The following ARID1B variants were observed in gnomAD, a reference collection of about 807,000 sequenced individuals.
ARID1B encodes AT-rich interaction domain 1B, also known as AT-rich interactive domain-containing protein 1B.
Under a neutral mutation model 212.3 loss-of-function variants are expected in ARID1B, and 30 were observed. That is an observed-to-expected ratio of 0.14 (90% CI 0.11 to 0.19). ARID1B has a LOEUF of 0.19. Ranked by LOEUF, ARID1B falls within the 10% of genes least tolerant of loss-of-function variation. The pLI, the probability that ARID1B is intolerant of heterozygous loss-of-function variation, is 1.00. For synonymous variants in ARID1B, 1,402 were observed against 1,301.7 expected (o/e 1.08, Z -1.66); for missense variants, 2,891 against 3,204.0 (o/e 0.90, Z 2.36).
At chr6:156,961,178 TC>T (rs1449419671) in intron 4 of ARID1B, among the ~76,000 whole-genome samples, 2 of 152,070 alleles carry the variant, frequency 1.3e-5, no homozygotes, top group Non-Finnish European at 2.9e-5. Context: ...CCCTAAACAC[TC>T]CCAGGTGCGT....
At chr6:157,074,868 G>C (rs1196605950) in intron 4 of ARID1B, among the ~76,000 whole-genome samples, 2 of 151,990 alleles carry the variant, frequency 1.3e-5, no homozygotes, top group Non-Finnish European at 2.9e-5. Flanking sequence ...CGTGGTGTAA[G>C]AATGGCTCTT....
At chr6:156,843,238 ATCT>A (rs1437132366) in intron 2 of ARID1B, among the ~76,000 whole-genome samples, 1 of 152,168 alleles carries the variant, frequency 6.6e-6, no homozygotes, top group Non-Finnish European at 1.5e-5. Flanking sequence ...TTTTCTGGTA[ATCT>A]TCTGTTTATG....
intron 3 of ARID1B, among the ~76,000 whole-genome samples, chr6:156,926,317 G>A (rs1038889403): frequency 2.0e-5 from 3 of 152,244 alleles, no homozygotes. Context: ...TTTTGTTTAG[G>A]ATAGCTAAGC....
chr6:156,857,212 T>C (rs1245523313), intron 2 of ARID1B, among the ~76,000 whole-genome samples: 1 of 152,192 alleles, frequency 6.6e-6, no homozygotes, highest in East Asian at 1.9e-4. Flanking sequence ...TAAGTGACAT[T>C]CCTAAAGTTA....
intron 2 of ARID1B, among the ~76,000 whole-genome samples, chr6:156,877,272 A>G (rs932781728): frequency 1.3e-5 from 2 of 152,046 alleles, no homozygotes; most frequent in Non-Finnish European, 2.9e-5. Flanking sequence ...ACCCTTCTGG[A>G]CTCCTGTCTT....
chr6:157,136,407 C>T (rs745981356), intron 7 of ARID1B, among the ~76,000 whole-genome samples: 1 of 152,134 alleles, frequency 6.6e-6, no homozygotes, highest in Non-Finnish European at 1.5e-5. Flanking sequence ...AACTGACTTA[C>T]GAGGGGCCTC....
chr6:157,160,668 A>C (rs867021371), intron 8 of ARID1B, among the ~76,000 whole-genome samples: 1 of 152,180 alleles, frequency 6.6e-6, no homozygotes, highest in African/African-American at 2.4e-5. Flanking sequence ...TGTTTCTCTT[A>C]GGATAAAGAC....
chr6:156,948,789 G>A (rs1470454796), intron 4 of ARID1B, among the ~76,000 whole-genome samples: 2 of 152,184 alleles, frequency 1.3e-5, no homozygotes, highest in Non-Finnish European at 2.9e-5. Context: ...TCAGGAATAA[G>A]AAAAGAAATC....
At chr6:156,894,128 T>C (rs1238176983) in intron 2 of ARID1B, among the ~76,000 whole-genome samples, 1 of 152,014 alleles carries the variant, frequency 6.6e-6, no homozygotes, top group African/African-American at 2.4e-5. Context: ...CACCACAACA[T>C]GGATGAACCT....
chr6:156,935,846 T>C, intron 4 of ARID1B: 1 of 378,278 alleles, frequency 2.6e-6, no homozygotes, highest in East Asian at 5.2e-5. Context: ...CAGGTGGTTA[T>C]TGCTGTTGTA....
At chr6:156,856,779 A>G (rs1784981490) in intron 2 of ARID1B, among the ~76,000 whole-genome samples, 1 of 52,574 alleles carries the variant, frequency 1.9e-5, no homozygotes, top group African/African-American at 8.2e-5. Context: ...TAAGCCTAGT[A>G]AATCTCAATG....
At chr6:156,995,351 A>G (rs1254559337) in intron 4 of ARID1B, among the ~76,000 whole-genome samples, 1 of 152,244 alleles carries the variant, frequency 6.6e-6, no homozygotes, top group Admixed American at 6.5e-5. Context: ...TTATTTTTAC[A>G]AAGGACCTGT....
chr6:157,067,675 C>T (rs757398642), intron 4 of ARID1B, among the ~76,000 whole-genome samples: 4 of 152,170 alleles, frequency 2.6e-5, no homozygotes, highest in Non-Finnish European at 5.9e-5. Context: ...TTGCATTTTT[C>T]CGCATGTGTG....
intron 13 of ARID1B, among the ~76,000 whole-genome samples, chr6:157,188,788 A>G (rs1486953289): frequency 1.3e-5 from 2 of 152,226 alleles, no homozygotes; most frequent in African/African-American, 2.4e-5. Flanking sequence ...ACCAGTATCT[A>G]TTGATGATCT....
intron 4 of ARID1B, among the ~76,000 whole-genome samples, chr6:156,987,159 CAGAGAGAGAGAGAGAGAGAGAGAG>C (rs56189333): frequency 7.1e-6 from 1 of 141,502 alleles, no homozygotes; most frequent in African/African-American, 2.7e-5. Context: ...GCCTCGGTGA[CAGAGAGAGAGAGAGAGAGAGAGAG>C]AGAGAGAGAG....
At chr6:157,019,247 CA>C (rs1319315843) in intron 4 of ARID1B, among the ~76,000 whole-genome samples, 1 of 152,150 alleles carries the variant, frequency 6.6e-6, no homozygotes, top group Non-Finnish European at 1.5e-5. Flanking sequence ...ACCAGTTTCA[CA>C]GTATTCTAGG....
intron 1 of ARID1B, among the ~76,000 whole-genome samples, chr6:156,800,215 T>G (rs1368941467): frequency 6.6e-6 from 1 of 152,232 alleles, no homozygotes; most frequent in African/African-American, 2.4e-5. Context: ...CATAAAACCT[T>G]TTCAGCATTA....
In ARID1B at chr6:156,882,512, G is replaced by A. The variant is rs527380752; in HGVS notation, c.1987-18864G>A. Among the ~76,000 whole-genome samples the A allele has an allele frequency of 3.9e-5, 6 of 152,284 alleles. No individual in the cohort carries two copies. The South Asian group carries it at 1.2e-3, about 32-fold the overall frequency. ...ATAGAGGTGTTTGAAATCCATTTGG[G>A]AAAACAAAGCGTAGCTACAGATACC... is the stretch of plus-strand genomic sequence containing the variant. On this transcript the variant is annotated intron_variant, in intron 2 of 19. Transcript: ENST00000636930.
intron 4 of ARID1B, among the ~76,000 whole-genome samples, chr6:157,032,526 G>A (rs984371300): frequency 6.6e-6 from 1 of 152,082 alleles, no homozygotes; most frequent in Non-Finnish European, 1.5e-5. Context: ...TTTTCTGGGC[G>A]GGTCATTCTT....
Sources: allele counts gnomAD v4.1 joint callset (sites outside exome capture counted in the v4.1 genomes callset), GRCh38; gene constraint gnomAD v4.1.1; transcripts MANE v1.5; gene names NCBI Gene and HGNC (gene_info 2026-07-23, HGNC 2026-07-21).